Variants in UBE2K observed in about 807,000 individuals in gnomAD.
The protein encoded by UBE2K is ubiquitin-conjugating enzyme E2 K.
UBE2K carries 6 observed loss-of-function variants against 30.0 expected under a neutral mutation model. That is an observed-to-expected ratio of 0.20 (90% CI 0.11 to 0.39). The LOEUF (loss-of-function observed/expected upper bound fraction) is 0.39, where lower values mean the gene tolerates loss of function less well. UBE2K is among the 10% of genes least tolerant of loss of function. The pLI, the probability that UBE2K is intolerant of heterozygous loss-of-function variation, is 1.00. For synonymous variants in UBE2K, 86 were observed against 83.7 expected, an observed-to-expected ratio of 1.03 and a Z score of -0.15; for missense variants, 61 against 241.6, an observed-to-expected ratio of 0.25 and a Z score of 4.96.
At chr4:39,729,389 T>C (rs1383965764) in intron 1 of UBE2K, among the ~76,000 whole-genome samples, 4 of 152,162 alleles carry the variant, frequency 2.6e-5, no homozygotes, top group African/African-American at 4.8e-5. Flanking sequence ...TGTCTCAAAC[T>C]GATTTTTCCC....
intron 1 of UBE2K, among the ~76,000 whole-genome samples, chr4:39,730,741 G>A (rs1184159413): frequency 6.7e-6 from 1 of 150,200 alleles, no homozygotes; most frequent in Non-Finnish European, 1.5e-5. Context: ...CTGCACTCCA[G>A]CCTGGGCAAC....
chr4:39,709,603 G>A (rs1025403419), intron 1 of UBE2K, among the ~76,000 whole-genome samples: 4 of 151,978 alleles, frequency 2.6e-5, no homozygotes, highest in South Asian at 2.1e-4. Context: ...ATGTATGTAC[G>A]TATAGGGTCG....
At chr4:39,713,380 C>T (rs540948340) in intron 1 of UBE2K, among the ~76,000 whole-genome samples, 2 of 135,864 alleles carry the variant, frequency 1.5e-5, no homozygotes, top group South Asian at 2.4e-4. Flanking sequence ...AGGCTGGTCT[C>T]TTCCTGACCT....
At chr4:39,778,210 T>G (rs1163852115) in intron 6 of UBE2K, 150 bp from the exon 7 acceptor site, 1 of 422,252 alleles carries the variant, frequency 2.4e-6, no homozygotes, top group Non-Finnish European at 4.1e-6. Context: ...TTACTGTCAT[T>G]GATTTTAGAA....
intron 4 of UBE2K, 92 bp from the exon 5 acceptor site, chr4:39,774,742 G>T (rs1286024722): frequency 3.4e-6 from 2 of 581,278 alleles, no homozygotes; most frequent in East Asian, 6.6e-5. Flanking sequence ...GTAACTTTTA[G>T]CTCTACAATT....
rs1309512705 is a variant in UBE2K at position 39,779,981 on chromosome 4, G to T, written c.*1547G>T. Reference sequence around the variant, plus strand: ...AATCTTGATACTAGAAGCAATAAAAGAACCATTATTAAATATATTGTAATG... The same window carrying T: ...AATCTTGATACTAGAAGCAATAAAATAACCATTATTAAATATATTGTAATG... On this transcript the variant is annotated 3_prime_UTR_variant, in exon 7 of 7. Transcript: ENST00000261427. 1 of 152,072 alleles carries T rather than the reference G, an allele frequency of 6.6e-6. No homozygotes were observed. The highest frequency in any genetic ancestry group is 1.9e-4 in the East Asian group (1 of 5,194). The allele number at this position is 152,072 out of a possible 1,614,324, so 9.4% of individuals were successfully genotyped here.
At chr4:39,739,894 C>T (rs1159296573) in intron 2 of UBE2K, among the ~76,000 whole-genome samples, 1 of 152,170 alleles carries the variant, frequency 6.6e-6, no homozygotes, top group Non-Finnish European at 1.5e-5. Flanking sequence ...CAACCTTGTA[C>T]CAATTCTTAA....
intron 1 of UBE2K, among the ~76,000 whole-genome samples, chr4:39,725,647 T>C (rs1719713239): frequency 6.6e-6 from 1 of 152,202 alleles, no homozygotes; most frequent in Non-Finnish European, 1.5e-5. Context: ...CAGATTACTT[T>C]GGAATTACTT....
chr4:39,748,408 A>G (rs1273565047), intron 3 of UBE2K, among the ~76,000 whole-genome samples: 1 of 152,158 alleles, frequency 6.6e-6, no homozygotes, highest in Non-Finnish European at 1.5e-5. Flanking sequence ...GTTTTATTAA[A>G]GCGAGAAAAA....
At chr4:39,702,492 G>A (rs1471852519) in intron 1 of UBE2K, among the ~76,000 whole-genome samples, 2 of 151,838 alleles carry the variant, frequency 1.3e-5, no homozygotes, top group African/African-American at 4.8e-5. Context: ...GACCTCAGGT[G>A]ATCCACCCGC....
At chr4:39,705,049 GTTTTTTTTTGT>G (rs1560337732) in intron 1 of UBE2K, among the ~76,000 whole-genome samples, 1 of 146,834 alleles carries the variant, frequency 6.8e-6, no homozygotes, top group African/African-American at 2.5e-5. Flanking sequence ...GTTTTTTTTT[GTTTTTTTTTGT>G]TTTTGTTTTT....
intron 1 of UBE2K, among the ~76,000 whole-genome samples, chr4:39,715,086 C>T (rs553096368): frequency 1.3e-4 from 19 of 147,786 alleles, no homozygotes; most frequent in African/African-American, 4.5e-4. Context: ...AGTGCAGTGG[C>T]GCGATCTCGG....
intron 1 of UBE2K, among the ~76,000 whole-genome samples, chr4:39,704,869 CTTTTTTT>C (rs35972302): frequency 4.5e-4 from 55 of 121,318 alleles, no homozygotes; most frequent in African/African-American, 1.6e-3. Flanking sequence ...GACTATACAC[CTTTTTTT>C]TTTTTTTTTT....
At chr4:39,760,177 AAAAAAAAAAAAAAAACAG>A (rs1213388326) in intron 4 of UBE2K, among the ~76,000 whole-genome samples, 2 of 11,242 alleles carry the variant, frequency 1.8e-4, no homozygotes, top group African/African-American at 6.4e-4. Flanking sequence ...ACTCTGTCAC[AAAAAAAAAAAAAAAACAG>A]AAAAAAAAAA....
chr4:39,705,822 C>T (rs1448107766), intron 1 of UBE2K, among the ~76,000 whole-genome samples: 4 of 149,750 alleles, frequency 2.7e-5, no homozygotes, highest in Admixed American at 6.6e-5. Flanking sequence ...GCTGGGATCC[C>T]GGGATTACAG....
chr4:39,752,798 A>G (rs1328857083), intron 3 of UBE2K, among the ~76,000 whole-genome samples: 5 of 152,136 alleles, frequency 3.3e-5, no homozygotes, highest in South Asian at 4.1e-4. Flanking sequence ...GAGTGTTTAC[A>G]TGTCACTCAA....
intron 1 of UBE2K, among the ~76,000 whole-genome samples, chr4:39,712,419 G>GT (rs1412891945): frequency 2.8e-4 from 27 of 95,250 alleles, no homozygotes; most frequent in Admixed American, 9.9e-4. Context: ...GTTTCTCCGT[G>GT]TTTTTTTTGT....
Position 39,731,873 on chromosome 4 carries a change from T to A in UBE2K, c.64-5547T>A, listed in dbSNP as rs1279058149. ...ATGATGAGCAGGGCTCCTAAAACAGTTGTGGCTTGACTAGGAAACAAATAA... is the reference window on the plus strand; with the variant it reads ...ATGATGAGCAGGGCTCCTAAAACAGATGTGGCTTGACTAGGAAACAAATAA... On this transcript the variant is annotated intron_variant, in intron 1 of 6. Coordinates refer to ENST00000261427, the MANE Select transcript of UBE2K (RefSeq NM_005339.5). 2.0e-5 allele frequency among the ~76,000 whole-genome samples: 3 copies of A among 152,270 alleles called. No homozygotes were observed. In the East Asian group the frequency reaches 5.8e-4, roughly 29 times the overall value.
chr4:39,748,429 A>G (rs1351617174), intron 3 of UBE2K, among the ~76,000 whole-genome samples: 1 of 152,090 alleles, frequency 6.6e-6, no homozygotes, highest in Admixed American at 6.6e-5. Context: ...TAGACTCAAA[A>G]CATAATAACT....
Sources: gnomAD v4.1 joint callset for allele counts (sites outside exome capture counted in the v4.1 genomes callset) on GRCh38, gnomAD v4.1.1 for gene constraint, MANE v1.5 for transcripts, NCBI Gene and HGNC (gene_info 2026-07-23, HGNC 2026-07-21) for gene names.